Variants in SDR16C5 observed in about 807,000 individuals in gnomAD.
SDR16C5 encodes epidermal retinol dehydrogenase 2.
A neutral mutation model predicts 27.7 loss-of-function variants in SDR16C5; 20 were observed. The observed-to-expected ratio is 0.72, with a 90% CI of 0.51 to 1.05. The LOEUF is 1.05. Among genes scored for constraint, SDR16C5 ranks in the 50% least tolerant of loss-of-function variants. The pLI, the probability that SDR16C5 is intolerant of heterozygous loss-of-function variation, is 0.00. For synonymous variants in SDR16C5, 139 were observed against 132.3 expected (o/e 1.05, Z -0.35); for missense variants, 374 against 366.3 (o/e 1.02, Z -0.17).
At chr8:56,311,274 G>A (rs968877143) in intron 3 of SDR16C5, among the ~76,000 whole-genome samples, 4 of 152,090 alleles carry the variant, frequency 2.6e-5, no homozygotes, top group Non-Finnish European at 5.9e-5. Flanking sequence ...AATTAGTTGG[G>A]TGTGGTGGCG....
At chr8:56,303,830 G>A in intron 6 of SDR16C5, 1 of 616,162 alleles carries the variant, frequency 1.6e-6, no homozygotes, top group Non-Finnish European at 2.9e-6. Context: ...TAAGCAAAAA[G>A]AACTTAGTGT....
intron 6 of SDR16C5, 112 bp from the exon 7 acceptor site, chr8:56,301,685 G>T: frequency 1.3e-6 from 1 of 756,000 alleles, no homozygotes; most frequent in Non-Finnish European, 2.3e-6. Context: ...ACTCACTCAT[G>T]CACACACTAT....
rs1335313092 is a variant in SDR16C5, at chr8:56,305,742, C to A, written c.711-20G>T. 3 of 1,559,434 alleles carry A rather than the reference C, an allele frequency of 1.9e-6. No homozygotes were observed. The highest frequency in any genetic ancestry group is 2.6e-6 in the Non-Finnish European group (3 of 1,163,634). On this transcript the variant is annotated intron_variant, in intron 5 of 6. Transcript: ENST00000303749. ...GGACAGCTAGGATATAAAATGACAA[C>A]AATTAAAAAAAACCCTGAAGGCCAA...
intron 3 of SDR16C5, among the ~76,000 whole-genome samples, chr8:56,310,490 C>T (rs1344137181): frequency 5.9e-5 from 9 of 151,632 alleles, no homozygotes; most frequent in East Asian, 1.9e-4. Context: ...GAGGCTGAGG[C>T]GGGCGGATCA....
intron 5 of SDR16C5, 50 bp from the exon 6 acceptor site, chr8:56,305,772 A>G: frequency 2.0e-6 from 3 of 1,533,942 alleles, no homozygotes; most frequent in Non-Finnish European, 1.7e-6. Flanking sequence ...GGCCAAATTC[A>G]TAAATAAAGA....
At chr8:56,315,990 A>G (rs1815182513) in intron 2 of SDR16C5, 25 bp downstream of exon 2, 1 of 1,505,266 alleles carries the variant, frequency 6.6e-7, no homozygotes, top group Non-Finnish European at 9.2e-7. Flanking sequence ...GTATCAAATT[A>G]TAATAGTAAA....
At chr8:56,301,756 T>C (rs1029827109) in intron 6 of SDR16C5, among the ~76,000 whole-genome samples, 183 bp from the exon 7 acceptor site, 1 of 152,186 alleles carries the variant, frequency 6.6e-6, no homozygotes, top group African/African-American at 2.4e-5. Flanking sequence ...CCGGGGACAC[T>C]CGCCCAGGGC....
rs974801454 is a variant in SDR16C5 at position 56,306,744 on chromosome 8, C to T, written c.642G>A (p.Lys214=). ...VFVETFVQKQ[K]GIKTTIVCPF... ...GGCACACAATCGTGGTTTTGATCCC[C>T]TTTTGTTTTTGGACAAATGTTTCTA... Residue 214 remains lysine, a synonymous_variant, in exon 5 of 7, where the codon AAG becomes AAA. Coordinates refer to ENST00000303749, the MANE Select transcript of SDR16C5 (RefSeq NM_138969.4). 78 of 1,613,724 alleles carry T rather than the reference C, an allele frequency of 4.8e-5. No homozygotes were observed. Among genetic ancestry groups the T allele is most frequent in the Non-Finnish European group, 6.5e-5 (77 of 1,179,966 alleles).
intron 1 of SDR16C5, among the ~76,000 whole-genome samples, chr8:56,319,364 T>C (rs1047204589): frequency 1.3e-5 from 2 of 152,254 alleles, no homozygotes; most frequent in Non-Finnish European, 2.9e-5. Context: ...CCACTGGTCC[T>C]GTTAAGCATA....
Position 56,316,095 on chromosome 8 carries a change from G to A in SDR16C5, c.253C>T (p.Arg85Trp), listed in dbSNP as rs745941546. The A allele has an allele frequency of 3.3e-5, 53 of 1,613,926 alleles. No homozygotes were observed. The highest frequency in any genetic ancestry group is 4.2e-5 in the Non-Finnish European group (49 of 1,180,004). Reference protein sequence around the residue: ...EGNEETCKMAREAGATRVHAY... With the variant: ...EGNEETCKMAWEAGATRVHAY... ...TGCACTCTTGTGGCTCCAGCTTCCC[G>A]AGCCATCTTACATGTTTCCTCATTC... Residue 85 changes from arginine (R) to tryptophan (W), a missense_variant, in exon 2 of 7, where the codon CGG (arginine) becomes TGG (tryptophan). Coordinates refer to ENST00000303749, the MANE Select transcript of SDR16C5 (RefSeq NM_138969.4).
At chr8:56,305,051 C>T (rs984170954) in intron 6 of SDR16C5, among the ~76,000 whole-genome samples, 1 of 152,186 alleles carries the variant, frequency 6.6e-6, no homozygotes, top group Non-Finnish European at 1.5e-5. Flanking sequence ...GGATTACAAA[C>T]GTGAGCTGCT....
At chr8:56,307,273 A>G (rs1285537488) in intron 4 of SDR16C5, among the ~76,000 whole-genome samples, 1 of 152,118 alleles carries the variant, frequency 6.6e-6, no homozygotes, top group East Asian at 1.9e-4. Context: ...TTTTCTTCCA[A>G]CTATAACTCT....
In SDR16C5 at chr8:56,301,508, C is replaced by T. The variant is rs546648286; in HGVS notation, c.902G>A (p.Gly301Asp). ...GAGCTTCTTCTTTTGGTCAACAAAG[C>T]CATCCATTGCATGAAGGATGCCCAA... ...DYLGILHAMD[G>D]FVDQKKKL Residue 301 changes from glycine (G) to aspartate (D), a missense_variant, in exon 7 of 7, where the codon GGC becomes GAC. Transcript: ENST00000303749. 3.7e-6 allele frequency: 6 copies of T among 1,614,054 alleles called. No individual in the cohort carries two copies. In the South Asian group the frequency reaches 5.5e-5, roughly 15 times the overall value.
At chr8:56,318,025 C>T (rs911237980) in intron 1 of SDR16C5, among the ~76,000 whole-genome samples, 2 of 152,082 alleles carry the variant, frequency 1.3e-5, no homozygotes, top group African/African-American at 2.4e-5. Context: ...AGAGGATGAT[C>T]GGAGAGCTGA....
Position 56,305,681 on chromosome 8 carries a change from A to G in SDR16C5, c.752T>C (p.Val251Ala). ...LLPILEPKYA[V>A]EKIVEAILQE... ...TAGAATAGCTTCTACTATTTTTTCA[A>G]CTGCATATTTTGGTTCCAGAATTGG... is the stretch of plus-strand genomic sequence containing the variant. The change falls in exon 6 of 7, where the codon GTT becomes GCT. Residue 251 changes from valine to alanine, a missense_variant. Coordinates refer to ENST00000303749, the MANE Select transcript of SDR16C5 (RefSeq NM_138969.4). 6.2e-7 allele frequency: 1 copy of G among 1,604,476 alleles called. No homozygotes were observed. Among genetic ancestry groups the G allele is most frequent in the Non-Finnish European group, 8.5e-7 (1 of 1,177,414 alleles).
chr8:56,304,298 C>A (rs1476365037), intron 6 of SDR16C5, among the ~76,000 whole-genome samples: 1 of 152,150 alleles, frequency 6.6e-6, no homozygotes, highest in Non-Finnish European at 1.5e-5. Flanking sequence ...AAGCACAAAC[C>A]AATGAGGGGA....
At chr8:56,315,566 T>C (rs1467522937) in intron 2 of SDR16C5, among the ~76,000 whole-genome samples, 3 of 152,202 alleles carry the variant, frequency 2.0e-5, no homozygotes, top group Non-Finnish European at 4.4e-5. Context: ...GGACAGGTTA[T>C]TTAATGTCTC....
Position 56,306,783 on chromosome 8 carries a change from A to G in SDR16C5, c.603T>C (p.Ala201=), listed in dbSNP as rs771855236. 1.9e-6 allele frequency: 3 copies of G among 1,613,278 alleles called. No individual in the cohort carries two copies. Among genetic ancestry groups the G allele is most frequent in the African/African-American group, 2.7e-5 (2 of 74,916 alleles). ...CASKFAAFGF[A]ESVFVETFVQ... ...CAAATGTTTCTACAAATACAGATTC[A>G]GCAAACCCAAAGGCTGCAAATTTAC... The change falls in exon 5 of 7, where the codon GCT becomes GCC. Residue 201 remains alanine (A), a synonymous_variant. Coordinates refer to ENST00000303749, the MANE Select transcript of SDR16C5 (RefSeq NM_138969.4).
intron 6 of SDR16C5, chr8:56,303,917 T>C (rs1420948887): frequency 8.6e-6 from 6 of 701,418 alleles, no homozygotes; most frequent in Admixed American, 8.0e-5. Flanking sequence ...GTCTCTACAA[T>C]GTAAATGAAG....
Sources: gnomAD v4.1 joint callset for allele counts (sites outside exome capture counted in the v4.1 genomes callset) on GRCh38, gnomAD v4.1.1 for gene constraint, MANE v1.5 for transcripts, NCBI Gene and HGNC (gene_info 2026-07-23, HGNC 2026-07-21) for gene names.